AGO1: variants seen among roughly 807,000 people sequenced by gnomAD.
The protein encoded by AGO1 is argonaute RISC component 1, also known as protein argonaute-1.
In AGO1, 11 loss-of-function variants were observed where a neutral mutation model predicts 109.2. The ratio of observed to expected loss-of-function variants is 0.10; its 90% CI spans 0.06 to 0.17. The LOEUF is 0.17. AGO1 is among the 10% of genes least tolerant of loss of function. The probability of loss-of-function intolerance (pLI) is 1.00; values close to 1 mark genes in which losing one functional copy is unlikely to be tolerated. For missense variants in AGO1, 574 were observed against 1,140.3 expected, an observed-to-expected ratio of 0.50 and a Z score of 7.15; for synonymous variants, 422 against 418.6, an observed-to-expected ratio of 1.01 and a Z score of -0.10.
chr1:35,915,621 G>A, intron 15 of AGO1, 79 bp downstream of exon 15: 1 of 1,345,298 alleles, frequency 7.4e-7, no homozygotes, highest in East Asian at 2.5e-5. Context: ...TAAGCTATTG[G>A]CACTGAGAGG....
intron 16 of AGO1, 25 bp downstream of exon 16, chr1:35,917,752 A>G: frequency 1.2e-6 from 2 of 1,606,314 alleles, no homozygotes; most frequent in Non-Finnish European, 1.7e-6. Flanking sequence ...GAGGCCTCCC[A>G]TCCCCTCCTT....
At chr1:35,908,585 C>T (rs1353872698) in intron 12 of AGO1, among the ~76,000 whole-genome samples, 4 of 152,192 alleles carry the variant, frequency 2.6e-5, no homozygotes, top group Admixed American at 1.3e-4. Flanking sequence ...GATATAGTCT[C>T]TGCTCTTAGA....
chr1:35,874,772 A>G (rs1422274280), intron 1 of AGO1, among the ~76,000 whole-genome samples: 1 of 152,210 alleles, frequency 6.6e-6, no homozygotes, highest in Non-Finnish European at 1.5e-5. Context: ...TTCTTAAGGA[A>G]ATTAAGAGTG....
chr1:35,910,477 G>A (rs912203369), intron 12 of AGO1, among the ~76,000 whole-genome samples: 1 of 152,030 alleles, frequency 6.6e-6, no homozygotes, highest in Non-Finnish European at 1.5e-5. Context: ...AAGTGTCACA[G>A]CGTAACCAGC....
chr1:35,918,296 T>C (rs1439393612), intron 16 of AGO1, 26 bp from the exon 17 acceptor site: 1 of 1,585,894 alleles, frequency 6.3e-7, no homozygotes, highest in East Asian at 2.2e-5. Context: ...GGTCTTGGGA[T>C]CTTGGTTGTG....
At position 35,917,628 on chromosome 1, in the gene AGO1, C is replaced by T. The variant is rs778610016; in HGVS notation, c.2064C>T (p.Ala688=). ...LHYELLAIRD[A]CIKLEKDYQP... is the part of the protein sequence containing the mutation. ...ATGAGCTACTGGCCATTCGTGATGC[C>T]TGCATCAAACTGGAAAAGGACTACC... is the stretch of plus-strand genomic sequence containing the variant. The change falls in exon 16 of 19, where the codon GCC becomes GCT. Residue 688 remains alanine, a synonymous_variant. Coordinates refer to ENST00000373204, the MANE Select transcript of AGO1 (RefSeq NM_012199.5). 11 of 1,613,480 alleles carry T rather than the reference C, an allele frequency of 6.8e-6. No homozygotes were observed. The South Asian group carries it at 1.2e-4, about 18-fold the overall frequency.
intron 14 of AGO1, among the ~76,000 whole-genome samples, chr1:35,914,680 TC>T (rs1180822239): frequency 6.6e-6 from 1 of 152,214 alleles, no homozygotes; most frequent in African/African-American, 2.4e-5. Context: ...GTTTCTCTTA[TC>T]TCTCTCCTGA....
At chr1:35,882,892 TAA>T (rs1258380881), upstream of AGO1, 81 of 985,248 alleles carry the variant, frequency 8.2e-5, no homozygotes, top group Admixed American at 3.7e-4. The surrounding 1 kb of genome is among the most constrained non-coding windows in gnomAD (Gnocchi z 5.1). Flanking sequence ...GGGGTTCCCA[TAA>T]TGTGTGCGCG....
intron 12 of AGO1, among the ~76,000 whole-genome samples, chr1:35,912,397 T>C (rs1557619778): frequency 6.9e-6 from 1 of 144,344 alleles, no homozygotes; most frequent in Non-Finnish European, 1.5e-5. Flanking sequence ...TGCCTTCAAC[T>C]ACTACCTGTA....
At chr1:35,878,926 G>A (rs2148704437), upstream of AGO1, among the ~76,000 whole-genome samples, 1 of 151,224 alleles carries the variant, frequency 6.6e-6, no homozygotes, top group Non-Finnish European at 1.5e-5. Flanking sequence ...AGAGGAAAAT[G>A]TAGATTGGGA....
intron 8 of AGO1, among the ~76,000 whole-genome samples, chr1:35,898,342 C>T (rs986655761): frequency 7.9e-5 from 12 of 151,802 alleles, no homozygotes; most frequent in Non-Finnish European, 1.2e-4. Flanking sequence ...CTGCAAGCTC[C>T]GCCTCCTGGG....
At chr1:35,912,038 T>C (rs1388615474) in intron 12 of AGO1, among the ~76,000 whole-genome samples, 1 of 152,178 alleles carries the variant, frequency 6.6e-6, no homozygotes, top group African/African-American at 2.4e-5. Context: ...CTCTTTTTAC[T>C]ATGTTATCTT....
chr1:35,918,279 C>T (rs1410956701), intron 16 of AGO1, 43 bp from the exon 17 acceptor site: 1 of 1,512,796 alleles, frequency 6.6e-7, no homozygotes, highest in Non-Finnish European at 9.2e-7. Flanking sequence ...CTGGTTAGGG[C>T]CAGGCAGGTC....
chr1:35,918,932 T>G (rs897992538), intron 17 of AGO1, 123 bp from the exon 18 acceptor site: 1 of 863,604 alleles, frequency 1.2e-6, no homozygotes, highest in Non-Finnish European at 1.9e-6. Context: ...ATTGGTAGTT[T>G]TGCATCTGCC....
At chr1:35,906,847 T>A in intron 11 of AGO1, 88 bp from the exon 12 acceptor site, 2 of 1,125,220 alleles carry the variant, frequency 1.8e-6, no homozygotes, top group Non-Finnish European at 2.6e-6. Flanking sequence ...GTGCCTCTTA[T>A]AGTGCTAAGC....
At chr1:35,892,874 A>T (rs1464735546) in intron 3 of AGO1, among the ~76,000 whole-genome samples, 197 bp downstream of exon 3, 2 of 152,142 alleles carry the variant, frequency 1.3e-5, no homozygotes. Flanking sequence ...TTGAGATTAG[A>T]CTTAAAATAG....
Position 35,923,174 on chromosome 1 carries a change from CG to C in AGO1, c.*3568del, listed in dbSNP as rs1244212532. The C allele has an allele frequency of 6.6e-6, 1 of 152,094 alleles. No individual in the cohort carries two copies. The highest frequency in any genetic ancestry group is 1.5e-5 in the Non-Finnish European group (1 of 68,028). 9.4% of individuals were successfully genotyped at this position (152,094 alleles called of 1,614,324 possible). ...TGGGAACTTAGGCTTAACATAAAGC[CG>C]AAGAAGGTACCTAGAAATTTGAAAC... On this transcript the variant is annotated 3_prime_UTR_variant, in exon 19 of 19. Transcript: ENST00000373204.
At chr1:35,891,772 C>T (rs1372675610) in intron 2 of AGO1, among the ~76,000 whole-genome samples, 4 of 152,084 alleles carry the variant, frequency 2.6e-5, no homozygotes, top group Admixed American at 2.6e-4. Context: ...TCCATGTTGC[C>T]CAGGCTGGTC....
At chr1:35,909,649 C>G (rs1486804690) in intron 12 of AGO1, among the ~76,000 whole-genome samples, 1 of 152,072 alleles carries the variant, frequency 6.6e-6, no homozygotes, top group African/African-American at 2.4e-5. Context: ...TTCTGGATTC[C>G]TCTAGTTTAT....
Sources: gnomAD v4.1 joint callset for allele counts (sites outside exome capture counted in the v4.1 genomes callset) on GRCh38, gnomAD v4.1.1 for gene constraint, Gnocchi (gnomAD v3.1) non-coding constraint, MANE v1.5 for transcripts, NCBI Gene and HGNC (gene_info 2026-07-23, HGNC 2026-07-21) for gene names.